NBEA: variants seen among roughly 807,000 people sequenced by gnomAD.
The protein encoded by NBEA is neurobeachin, also known as lysosomal-trafficking regulator 2.
A neutral mutation model predicts 343.4 loss-of-function variants in NBEA; 44 were observed. The ratio of observed to expected loss-of-function variants is 0.13; its 90% confidence interval spans 0.10 to 0.16. NBEA has a LOEUF of 0.16. Among genes scored for constraint, NBEA ranks in the 10% least tolerant of loss-of-function variants. The probability of loss-of-function intolerance (pLI) is 1.00; values close to 1 mark genes in which losing one functional copy is unlikely to be tolerated. For synonymous variants in NBEA, 1,175 were observed against 1,238.7 expected (o/e 0.95, Z 1.08); for missense variants, 2,555 against 3,631.3 (o/e 0.70, Z 7.62).
intron 17 of NBEA, among the ~76,000 whole-genome samples, chr13:35,124,420 G>T (rs1222577974): frequency 6.6e-6 from 1 of 150,850 alleles, no homozygotes; most frequent in Non-Finnish European, 1.5e-5. Flanking sequence ...AGGGAGACTA[G>T]ATATACTATG....
chr13:35,553,074 T>C (rs2079413538), intron 43 of NBEA, among the ~76,000 whole-genome samples: 1 of 151,876 alleles, frequency 6.6e-6, no homozygotes, highest in Non-Finnish European at 1.5e-5. Flanking sequence ...GTATTGTTTA[T>C]AGAGATGGGG....
In NBEA at chr13:35,275,185, G is replaced by T. The variant is rs1039192291; in HGVS notation, c.5777-15204G>T. 3.9e-5 allele frequency among the ~76,000 whole-genome samples: 6 copies of T among 152,208 alleles called. No homozygotes were observed. In the South Asian group the frequency reaches 1.2e-3, roughly 32 times the overall value. ...TATAGACCAAAGGAATGGAACAGAG[G>T]CCTCAGAAATAACACCACACATGTA... On this transcript the variant is annotated intron_variant, in intron 34 of 58. Coordinates refer to ENST00000379939, the MANE Select transcript of NBEA (RefSeq NM_001385012.1).
rs1395801071 is a variant in NBEA at position 35,424,651 on chromosome 13, A to G, written c.6180-7618A>G. On this transcript the variant is annotated intron_variant, in intron 38 of 58. Coordinates refer to ENST00000379939, the MANE Select transcript of NBEA (RefSeq NM_001385012.1). ...TCTGCCAGGCTTTGGTATCAGGATG[A>G]TGCTGGCCTCATAAAATGAGTTAGG... 9.2e-5 allele frequency among the ~76,000 whole-genome samples: 14 copies of G among 152,318 alleles called. 1 individual carries two copies. The South Asian group carries it at 2.7e-3, about 29-fold the overall frequency.
intron 41 of NBEA, among the ~76,000 whole-genome samples, chr13:35,537,396 C>A (rs1362582903): frequency 6.6e-6 from 1 of 151,844 alleles, no homozygotes; most frequent in Admixed American, 6.6e-5. Context: ...AATCATTCAA[C>A]AGATTTTTTA....
chr13:35,044,599 TTGTGG>T (rs1039712642), intron 2 of NBEA, among the ~76,000 whole-genome samples: 1 of 127,696 alleles, frequency 7.8e-6, no homozygotes. Flanking sequence ...GCAGGCTGTG[TTGTGG>T]TGTGTGTGTG....
chr13:35,054,988 C>G (rs1019322490), intron 6 of NBEA, among the ~76,000 whole-genome samples: 8 of 151,912 alleles, frequency 5.3e-5, no homozygotes, highest in Non-Finnish European at 1.0e-4. Flanking sequence ...GAATTTTGCT[C>G]AAAGTATTTT....
intron 27 of NBEA, 29 bp downstream of exon 27, chr13:35,173,623 A>G: frequency 2.5e-6 from 4 of 1,582,120 alleles, no homozygotes; most frequent in Non-Finnish European, 3.4e-6. Flanking sequence ...TTGGCCAAAT[A>G]TAATTTACCT....
At position 35,476,172 on chromosome 13, in the gene NBEA, C is replaced by A. The variant is rs757638207; in HGVS notation, c.6585+3636C>A. The A allele has an allele frequency of 1.2e-5, 19 of 1,611,790 alleles. 1 individual carries two copies. In the Middle Eastern group the frequency reaches 9.9e-4, roughly 84 times the overall value. On this transcript the variant is annotated intron_variant, in intron 41 of 58. Coordinates refer to ENST00000379939, the MANE Select transcript of NBEA (RefSeq NM_001385012.1). ...AGAGATCCGGATTGTACACCGGAGT[C>A]TCGCAGTAAGCTGTGGGATCCAATG...
intron 39 of NBEA, among the ~76,000 whole-genome samples, chr13:35,445,794 A>ATATATATATATATATATATATATATG (rs1566144607): frequency 1.2e-5 from 1 of 80,050 alleles, no homozygotes; most frequent in African/African-American, 6.7e-5. Context: ...ATATATATAT[A>ATATATATATATATATATATATATATG]TATATATATA....
chr13:34,993,118 A>G (rs1323979231), intron 1 of NBEA, among the ~76,000 whole-genome samples: 1 of 152,126 alleles, frequency 6.6e-6, no homozygotes, highest in African/African-American at 2.4e-5. Flanking sequence ...TAGCCATCTT[A>G]TATCGTATCT....
At chr13:35,611,889 T>C (rs2082537660) in intron 48 of NBEA, among the ~76,000 whole-genome samples, 1 of 152,230 alleles carries the variant, frequency 6.6e-6, no homozygotes, top group Non-Finnish European at 1.5e-5. Context: ...CAAATTTCTA[T>C]GTGAACATAC....
intron 8 of NBEA, among the ~76,000 whole-genome samples, chr13:35,063,347 A>G (rs777780784): frequency 5.3e-5 from 8 of 152,094 alleles, no homozygotes; most frequent in African/African-American, 1.2e-4. Flanking sequence ...TATAGTGTCT[A>G]TATGGTGATA....
At chr13:35,029,186 G>GATATATATATATC (rs1235984953) in intron 1 of NBEA, among the ~76,000 whole-genome samples, 4 of 151,144 alleles carry the variant, frequency 2.6e-5, no homozygotes, top group African/African-American at 9.7e-5. Flanking sequence ...TGTTATATAT[G>GATATATATATATC]ATATATAACA....
At chr13:35,585,607 C>G (rs1179499321) in intron 46 of NBEA, among the ~76,000 whole-genome samples, 1 of 151,952 alleles carries the variant, frequency 6.6e-6, no homozygotes. Context: ...CAGCTTCTCT[C>G]TTCTTTGCAA....
At chr13:35,155,291 C>G (rs1281992171) in intron 18 of NBEA, among the ~76,000 whole-genome samples, 1 of 151,848 alleles carries the variant, frequency 6.6e-6, no homozygotes, top group African/African-American at 2.4e-5. Flanking sequence ...TTGGTGAATA[C>G]AGAGTTAAAG....
chr13:35,058,634 C>T (rs1399491342), intron 7 of NBEA, 83 bp from the exon 8 acceptor site: 1 of 1,019,950 alleles, frequency 9.8e-7, no homozygotes, highest in African/African-American at 1.6e-5. Flanking sequence ...TTAAAATATT[C>T]ATGATAATGA....
intron 24 of NBEA, 61 bp downstream of exon 24, chr13:35,164,570 G>A (rs994355576): frequency 4.6e-6 from 7 of 1,520,758 alleles, no homozygotes; most frequent in Non-Finnish European, 6.3e-6. Context: ...TAGCATTTCA[G>A]TGGTGGTCTA....
rs1174374400 is a variant in NBEA at position 35,138,946 on chromosome 13, A to G, written c.2337-3323A>G. On this transcript the variant is annotated intron_variant, in intron 17 of 58. Coordinates refer to ENST00000379939, the MANE Select transcript of NBEA (RefSeq NM_001385012.1). ...GCATAGTAATTAATCTGTATATAAA[A>G]TGATATTTATAATGATTATGTCTGG... 2.6e-5 allele frequency among the ~76,000 whole-genome samples: 4 copies of G among 152,102 alleles called. No individual in the cohort carries two copies. In the East Asian group the frequency reaches 5.8e-4, roughly 22 times the overall value.
chr13:35,017,591 C>G (rs953990404), intron 1 of NBEA, among the ~76,000 whole-genome samples: 2 of 152,046 alleles, frequency 1.3e-5, no homozygotes, highest in Non-Finnish European at 2.9e-5. Flanking sequence ...CATGTGCTTA[C>G]AGAACATTTT....
Sources: gnomAD v4.1 joint callset for allele counts (sites outside exome capture counted in the v4.1 genomes callset) on GRCh38, gnomAD v4.1.1 for gene constraint, MANE v1.5 for transcripts, NCBI Gene and HGNC (gene_info 2026-07-23, HGNC 2026-07-21) for gene names.